MKLN1: variants seen among roughly 807,000 people sequenced by gnomAD.
The protein encoded by MKLN1 is muskelin 1.
In MKLN1, 18 loss-of-function variants were observed where a neutral mutation model predicts 99.0. The observed-to-expected ratio is 0.18, with a 90% CI of 0.13 to 0.27. The LOEUF (loss-of-function observed/expected upper bound fraction) is 0.27. Ranked by LOEUF, MKLN1 falls within the 10% of genes least tolerant of loss-of-function variation. The probability of loss-of-function intolerance (pLI) is 1.00; values close to 1 mark genes in which losing one functional copy is unlikely to be tolerated. For synonymous variants in MKLN1, 288 were observed against 293.2 expected, an observed-to-expected ratio of 0.98 and a Z score of 0.18; for missense variants, 621 against 875.9, an observed-to-expected ratio of 0.71 and a Z score of 3.67.
At chr7:131,267,669 T>C (rs1797829120) in intron 3 of MKLN1, among the ~76,000 whole-genome samples, 1 of 152,234 alleles carries the variant, frequency 6.6e-6, no homozygotes, top group Non-Finnish European at 1.5e-5. Context: ...TATTCTGTTT[T>C]AAGCTGAATT....
chr7:131,310,169 G>A (rs1798540777), intron 3 of MKLN1: 1 of 152,216 alleles, frequency 6.6e-6, no homozygotes, highest in Non-Finnish European at 1.5e-5. Context: ...GCACCAGTAG[G>A]CTAATTTTCA....
intron 2 of MKLN1, among the ~76,000 whole-genome samples, chr7:131,147,022 G>T (rs1308034581): frequency 6.6e-6 from 1 of 151,972 alleles, no homozygotes; most frequent in Non-Finnish European, 1.5e-5. Flanking sequence ...GGAGTCATCT[G>T]ATATTTGATT....
At chr7:131,322,433 C>T (rs1798796791) in intron 3 of MKLN1, among the ~76,000 whole-genome samples, 2 of 152,168 alleles carry the variant, frequency 1.3e-5, no homozygotes, top group South Asian at 2.1e-4. Flanking sequence ...TTAATTGACT[C>T]ACAGTTCTAC....
chr7:131,132,409 G>A (rs1450811705), intron 1 of MKLN1, among the ~76,000 whole-genome samples: 4 of 152,190 alleles, frequency 2.6e-5, no homozygotes, highest in African/African-American at 9.7e-5. Context: ...CCAGAGGAGA[G>A]CAGCCAACTG....
rs900774231 is a variant in MKLN1 at position 131,494,810 on chromosome 7, A to G, written c.*7082A>G. 3.3e-5 allele frequency: 5 copies of G among 152,238 alleles called. No homozygotes were observed. Among genetic ancestry groups the G allele is most frequent in the Non-Finnish European group, 1.5e-5 (1 of 68,038 alleles). 9.4% of individuals were successfully genotyped at this position (152,238 alleles called of 1,614,324 possible). On this transcript the variant is annotated 3_prime_UTR_variant, in exon 18 of 18. Coordinates refer to ENST00000352689, the MANE Select transcript of MKLN1 (RefSeq NM_013255.5). ...CTTTTGAAAAGAAAGTAGATAGTAT[A>G]GTATTAATTAACTACTTTGTATAGT...
chr7:131,391,197 T>C (rs1238220524), intron 4 of MKLN1, among the ~76,000 whole-genome samples: 1 of 152,182 alleles, frequency 6.6e-6, no homozygotes, highest in African/African-American at 2.4e-5. Context: ...TAGCTCTCTT[T>C]TGATGTTAGT....
rs1798296241 is a variant in MKLN1 at position 131,296,681 on chromosome 7, G to C, written c.-178-78743G>C. ...AAGTGTGAGGATTGCTTGATGCCAG[G>C]AGTTTGAGACCGGCATAAGCAACAT... On this transcript the variant is annotated intron_variant, in intron 3 of 7. Transcript: ENST00000416992. Among the ~76,000 whole-genome samples, 4 of 152,114 alleles carry C rather than the reference G, an allele frequency of 2.6e-5. No homozygotes were observed. In the South Asian group the frequency reaches 8.3e-4, roughly 31 times the overall value.
chr7:131,155,657 T>A (rs1478073696), intron 2 of MKLN1, among the ~76,000 whole-genome samples: 1 of 152,170 alleles, frequency 6.6e-6, no homozygotes, highest in African/African-American at 2.4e-5. Flanking sequence ...AAAAAGTAGA[T>A]TATAGGCAAA....
At position 131,249,657 on chromosome 7, in the gene MKLN1, C is replaced by G. The variant is rs1268526998; in HGVS notation, c.-179+46683C>G. 2.0e-5 allele frequency among the ~76,000 whole-genome samples: 3 copies of G among 152,074 alleles called. No homozygotes were observed. In the East Asian group the frequency reaches 5.8e-4, roughly 29 times the overall value. On this transcript the variant is annotated intron_variant, in intron 3 of 7. Transcript: ENST00000416992. ...CTCAAATTGGAGAGTCAGGAGCGCT[C>G]TCCCAAGAATGCATGGAAGGCTTAT...
chr7:131,460,658 C>T (rs1289132684), intron 12 of MKLN1, among the ~76,000 whole-genome samples: 2 of 152,134 alleles, frequency 1.3e-5, no homozygotes, highest in African/African-American at 2.4e-5. Context: ...AGTTTTTCAT[C>T]TTTTATCTCT....
chr7:131,136,891 G>C (rs1484748381), intron 1 of MKLN1, among the ~76,000 whole-genome samples: 1 of 152,190 alleles, frequency 6.6e-6, no homozygotes, highest in African/African-American at 2.4e-5. Flanking sequence ...CCACATTTGC[G>C]TGTAGTTCAA....
intron 6 of MKLN1, among the ~76,000 whole-genome samples, chr7:131,407,358 G>T (rs1365373077): frequency 1.3e-5 from 2 of 151,090 alleles, no homozygotes; most frequent in African/African-American, 2.4e-5. Flanking sequence ...AAAGGTATTT[G>T]GCTACTTTCA....
intron 3 of MKLN1, among the ~76,000 whole-genome samples, chr7:131,259,528 T>C (rs952426704): frequency 4.6e-5 from 7 of 152,048 alleles, no homozygotes; most frequent in African/African-American, 1.7e-4. Flanking sequence ...CTAAATACTT[T>C]AACATTCACC....
chr7:131,317,765 C>CA (rs146525048), intron 3 of MKLN1, among the ~76,000 whole-genome samples: 1,588 of 49,926 alleles, frequency 0.032, 37 homozygotes, highest in East Asian at 0.071. Flanking sequence ...AAATGGAAAG[C>CA]AAAAAAAAAA....
chr7:131,355,439 T>TA (rs1799843992), intron 1 of MKLN1, among the ~76,000 whole-genome samples: 1 of 151,878 alleles, frequency 6.6e-6, no homozygotes, highest in South Asian at 2.1e-4. Context: ...CCAGGTTTAC[T>TA]TATACATACA....
Position 131,171,226 on chromosome 7 carries a change from G to C in MKLN1, c.-297+28285G>C, listed in dbSNP as rs148063077. On this transcript the variant is annotated intron_variant, in intron 2 of 7. Transcript: ENST00000416992. ...GGAAACTTAATATAGGTCTTGAAGA[G>C]GAGAAAGCTAGCCACAGGACAGAGT... Among the ~76,000 whole-genome samples the C allele has an allele frequency of 3.3e-3, 508 of 152,254 alleles. 5 individuals carry two copies. The highest frequency in any genetic ancestry group is 0.012 in the African/African-American group (484 of 41,548).
chr7:131,489,823 A>T lies in MKLN1; in HGVS notation c.*2095A>T, dbSNP rs1487570577. On this transcript the variant is annotated 3_prime_UTR_variant, in exon 18 of 18. Transcript: ENST00000352689. ...TTCCCTACTAGTCTTTTTGGAAAACATGTTTGTTTTAATTTCATCTTCCCT... is the reference window on the plus strand; with the variant it reads ...TTCCCTACTAGTCTTTTTGGAAAACTTGTTTGTTTTAATTTCATCTTCCCT... 6.6e-6 allele frequency: 1 copy of T among 152,044 alleles called. No homozygotes were observed. The highest frequency in any genetic ancestry group is 1.5e-5 in the Non-Finnish European group (1 of 67,988). 9.4% of individuals were successfully genotyped at this position (152,044 alleles called of 1,614,324 possible). A position where few individuals can be genotyped will look rare whatever the true frequency, so the allele number is the denominator to read the frequency against.
chr7:131,422,387 A>G (rs1223452380), intron 8 of MKLN1, among the ~76,000 whole-genome samples: 1 of 152,148 alleles, frequency 6.6e-6, no homozygotes, highest in East Asian at 1.9e-4. Context: ...TGTCTCTGCA[A>G]AATATTTTTT....
chr7:131,418,492 T>G (rs1214318157), intron 8 of MKLN1, among the ~76,000 whole-genome samples: 1 of 151,790 alleles, frequency 6.6e-6, no homozygotes, highest in Admixed American at 6.6e-5. Flanking sequence ...CAATAGCTTA[T>G]GAGCTTACAA....
Sources: gnomAD v4.1 joint callset for allele counts (sites outside exome capture counted in the v4.1 genomes callset) on GRCh38, gnomAD v4.1.1 for gene constraint, MANE v1.5 for transcripts, NCBI Gene and HGNC (gene_info 2026-07-23, HGNC 2026-07-21) for gene names.